DPP10: variants seen among roughly 807,000 people sequenced by gnomAD.
The protein encoded by DPP10 is dipeptidyl peptidase like 10.
Under a neutral mutation model 120.9 loss-of-function variants are expected in DPP10, and 33 were observed. The ratio of observed to expected loss-of-function variants is 0.27; its 90% CI spans 0.21 to 0.37. The LOEUF is 0.37. DPP10 is among the 10% of genes least tolerant of loss of function. The pLI, the probability that DPP10 is intolerant of heterozygous loss-of-function variation, is 1.00. For synonymous variants in DPP10, 337 were observed against 326.1 expected (o/e 1.03, Z -0.36); for missense variants, 816 against 942.8 (o/e 0.87, Z 1.76).
rs116774064 is a variant in DPP10 at position 114,497,092 on chromosome 2, T to C, written c.60+54254T>C. 5.0e-3 allele frequency among the ~76,000 whole-genome samples: 750 copies of C among 149,294 alleles called. 11 individuals are homozygous for C. Among genetic ancestry groups the C allele is most frequent in the African/African-American group, 0.018 (717 of 40,826 alleles). On this transcript the variant is annotated intron_variant, in intron 1 of 25. Transcript: ENST00000410059. ...ACACATATACATATACATGTACATG[T>C]ACATGTGTACATGTACGTATACATG...
chr2:114,471,524 TAAAC>T (rs1210697599), intron 1 of DPP10, among the ~76,000 whole-genome samples: 2 of 152,152 alleles, frequency 1.3e-5, no homozygotes, highest in South Asian at 2.1e-4. Context: ...CCCATAGAAA[TAAAC>T]AGGAATGCTA....
chr2:114,882,772 T>TA lies in DPP10; in HGVS notation c.61-426459dup, dbSNP rs1025574948. The stretch of plus-strand genomic sequence containing the variant: ...TATAAATACATAAATTTATTTTGTC[T>TA]AAAAAAAAGAGAATGCCTAAAATAT... On this transcript the variant is annotated intron_variant, in intron 1 of 25. Transcript: ENST00000410059. 3.3e-5 allele frequency among the ~76,000 whole-genome samples: 5 copies of TA among 151,670 alleles called. No individual in the cohort carries two copies. The East Asian group carries it at 5.8e-4, about 18-fold the overall frequency.
At chr2:115,656,710 C>T (rs953283170) in intron 5 of DPP10, among the ~76,000 whole-genome samples, 14 of 151,518 alleles carry the variant, frequency 9.2e-5, no homozygotes, top group African/African-American at 2.7e-4. Context: ...AATTTGTTAC[C>T]AGCGGGAGAA....
intron 1 of DPP10, among the ~76,000 whole-genome samples, chr2:115,040,850 G>A (rs1704583483): frequency 6.6e-6 from 1 of 152,138 alleles, no homozygotes. Flanking sequence ...CGGGTGTGGT[G>A]TTTCACCCCT....
chr2:114,689,090 T>C (rs935848004), intron 1 of DPP10, among the ~76,000 whole-genome samples: 1 of 151,900 alleles, frequency 6.6e-6, no homozygotes, highest in African/African-American at 2.4e-5. Context: ...ACTGTTATTT[T>C]AAGTTCAGCG....
chr2:114,877,382 G>A (rs892548284), intron 1 of DPP10, among the ~76,000 whole-genome samples: 2 of 151,984 alleles, frequency 1.3e-5, no homozygotes, highest in African/African-American at 4.8e-5. Context: ...TCCTAAGCAT[G>A]TGTGTTTCTT....
intron 1 of DPP10, among the ~76,000 whole-genome samples, chr2:114,572,092 T>C (rs976340059): frequency 9.9e-5 from 15 of 151,662 alleles, no homozygotes; most frequent in Middle Eastern, 3.5e-3. Context: ...ACCATCCAAA[T>C]CTGTCTCTCA....
At chr2:115,165,092 A>G (rs1422764942) in intron 1 of DPP10, among the ~76,000 whole-genome samples, 1 of 152,234 alleles carries the variant, frequency 6.6e-6, no homozygotes, top group Non-Finnish European at 1.5e-5. Flanking sequence ...ACATTGAAAG[A>G]GCTAAGAACT....
chr2:115,720,191 C>A (rs2092610680), intron 7 of DPP10, among the ~76,000 whole-genome samples: 1 of 152,174 alleles, frequency 6.6e-6, no homozygotes, highest in Non-Finnish European at 1.5e-5. Flanking sequence ...TCCTTGGCAA[C>A]ACTTATTAGT....
At chr2:115,414,923 T>G (rs984920766) in intron 3 of DPP10, among the ~76,000 whole-genome samples, 6 of 152,158 alleles carry the variant, frequency 3.9e-5, no homozygotes, top group Admixed American at 2.6e-4. Context: ...CCCCAATATC[T>G]CAATTTCCAC....
At chr2:114,830,613 T>G (rs535286341) in intron 1 of DPP10, among the ~76,000 whole-genome samples, 1 of 152,208 alleles carries the variant, frequency 6.6e-6, no homozygotes, top group Non-Finnish European at 1.5e-5. Flanking sequence ...ATAAGAACTG[T>G]TGAATGAAAT....
chr2:115,430,369 A>C (rs1276084901), intron 3 of DPP10, among the ~76,000 whole-genome samples: 1 of 152,206 alleles, frequency 6.6e-6, no homozygotes, highest in Non-Finnish European at 1.5e-5. Flanking sequence ...ATTAATCTTC[A>C]TAATGTAACA....
intron 1 of DPP10, among the ~76,000 whole-genome samples, chr2:115,081,105 A>G (rs1304213505): frequency 6.6e-6 from 1 of 151,984 alleles, no homozygotes; most frequent in African/African-American, 2.4e-5. Context: ...TTAGTTGCAG[A>G]TTTCTTTTTA....
At chr2:115,558,393 A>C (rs995159913) in intron 5 of DPP10, among the ~76,000 whole-genome samples, 1 of 152,178 alleles carries the variant, frequency 6.6e-6, no homozygotes, top group Non-Finnish European at 1.5e-5. Context: ...GAACAATGGC[A>C]CGAGCAGTTA....
At chr2:115,597,690 T>TA (rs893878359) in intron 5 of DPP10, among the ~76,000 whole-genome samples, 9 of 151,794 alleles carry the variant, frequency 5.9e-5, no homozygotes, top group Non-Finnish European at 1.2e-4. Flanking sequence ...TCCTCAAAAA[T>TA]AAAAAAACTT....
chr2:115,248,545 G>C (rs1218528457), intron 1 of DPP10, among the ~76,000 whole-genome samples: 3 of 152,166 alleles, frequency 2.0e-5, no homozygotes, highest in East Asian at 1.9e-4. Context: ...TTATTACAGA[G>C]GGAATTGTGT....
chr2:114,502,707 T>TGGTA (rs2104523877), intron 1 of DPP10, among the ~76,000 whole-genome samples: 1 of 152,302 alleles, frequency 6.6e-6, no homozygotes, highest in African/African-American at 2.4e-5. Context: ...TTCTACCATG[T>TGGTA]GGTAGTACCT....
Position 115,343,381 on chromosome 2 carries a change from A to G in DPP10, c.176-436A>G, listed in dbSNP as rs143875152. On this transcript the variant is annotated intron_variant, in intron 2 of 25. Coordinates refer to ENST00000410059, the MANE Select transcript of DPP10 (RefSeq NM_020868.6). ...AAACTTCTTTCTGACTTGAGAGTTT[A>G]GTCATACATAAGTCCCTCAAGTCTA... Among the ~76,000 whole-genome samples the G allele has an allele frequency of 7.9e-5, 12 of 152,268 alleles. No individual in the cohort carries two copies. The East Asian group carries it at 2.1e-3, about 27-fold the overall frequency.
Position 114,683,720 on chromosome 2 carries a change from A to G in DPP10, c.60+240882A>G, listed in dbSNP as rs535412458. On this transcript the variant is annotated intron_variant, in intron 1 of 25. Coordinates refer to ENST00000410059, the MANE Select transcript of DPP10 (RefSeq NM_020868.6). The stretch of plus-strand genomic sequence containing the variant: ...TCTGATTGACTAACTCCCTTCTACT[A>G]CTTGAGGACAGTGCAGCTCAGCCCT... Among the ~76,000 whole-genome samples the G allele has an allele frequency of 5.4e-3, 821 of 151,746 alleles. 8 individuals are homozygous for G. Among genetic ancestry groups the G allele is most frequent in the African/African-American group, 0.019 (775 of 41,404 alleles).
Sources: gnomAD v4.1 joint callset for allele counts (sites outside exome capture counted in the v4.1 genomes callset) on GRCh38, gnomAD v4.1.1 for gene constraint, MANE v1.5 for transcripts, NCBI Gene and HGNC (gene_info 2026-07-23, HGNC 2026-07-21) for gene names.